Variants in AMPH observed in about 807,000 individuals in gnomAD.
AMPH encodes the protein amphiphysin (Stiff-Mann syndrome with breast cancer 128kD autoantigen).
A neutral mutation model predicts 99.1 loss-of-function variants in AMPH; 49 were observed. The ratio of observed to expected loss-of-function variants is 0.49; its 90% confidence interval spans 0.39 to 0.63. The LOEUF (loss-of-function observed/expected upper bound fraction) is 0.63. AMPH is among the 20% of genes least tolerant of loss of function. AMPH has a pLI of 0.00. For missense variants in AMPH, 759 were observed against 863.4 expected (o/e 0.88, Z 1.52); for synonymous variants, 314 against 317.3 (o/e 0.99, Z 0.11).
intron 1 of AMPH, among the ~76,000 whole-genome samples, chr7:38,613,573 C>T (rs527808512): frequency 6.6e-6 from 1 of 152,326 alleles, no homozygotes. Flanking sequence ...GAGAGTATTT[C>T]TCCACCGTGC....
chr7:38,473,710 C>CAAAAAAAAA lies in AMPH; in HGVS notation c.590+1612_590+1620dup, dbSNP rs70977409. On this transcript the variant is annotated intron_variant, in intron 7 of 20. Transcript: ENST00000356264. ...TGGGCGACAGAGCGAGACTCCGTCT[C>CAAAAAAAAA]AAAAAAAAAAAAAAAAAAAAAAAAA... Among the ~76,000 whole-genome samples the CAAAAAAAAA allele has an allele frequency of 1.9e-3, 7 of 3,780 alleles. 2 individuals are homozygous for CAAAAAAAAA. Among genetic ancestry groups the CAAAAAAAAA allele is most frequent in the East Asian group, 0.022 (1 of 46 alleles). The allele number at this position is 3,780 out of a possible 152,430, so 2.5% of individuals were successfully genotyped here. A position where few individuals can be genotyped will look rare whatever the true frequency, so the allele number is the denominator to read the frequency against.
At chr7:38,554,892 C>T (rs1175601000) in intron 1 of AMPH, among the ~76,000 whole-genome samples, 1 of 152,184 alleles carries the variant, frequency 6.6e-6, no homozygotes, top group Non-Finnish European at 1.5e-5. Context: ...CCTCTTCTCC[C>T]CAACCTTAAC....
intron 1 of AMPH, among the ~76,000 whole-genome samples, chr7:38,591,796 G>A (rs1792867204): frequency 6.6e-6 from 1 of 152,170 alleles, no homozygotes; most frequent in Non-Finnish European, 1.5e-5. Context: ...CTTGTCCCAA[G>A]GAACCAACTA....
chr7:38,500,691 G>T (rs1317200788), intron 3 of AMPH, among the ~76,000 whole-genome samples: 1 of 152,202 alleles, frequency 6.6e-6, no homozygotes, highest in African/African-American at 2.4e-5. Flanking sequence ...TCCTGTGCTT[G>T]AAATGACTTC....
intron 1 of AMPH, among the ~76,000 whole-genome samples, chr7:38,583,008 C>T (rs556905089): frequency 6.6e-6 from 1 of 152,260 alleles, no homozygotes; most frequent in African/African-American, 2.4e-5. Context: ...TAAGAGTCAA[C>T]AATGTATTGA....
At chr7:38,625,379 T>C (rs77725745) in intron 1 of AMPH, among the ~76,000 whole-genome samples, 2,026 of 152,278 alleles carry the variant, frequency 0.013, 54 homozygotes, top group African/African-American at 0.047. Flanking sequence ...CTTTTTAAAG[T>C]TCATTTAAAA....
At chr7:38,439,504 G>A (rs1042524378) in intron 11 of AMPH, among the ~76,000 whole-genome samples, 1 of 152,144 alleles carries the variant, frequency 6.6e-6, no homozygotes, top group African/African-American at 2.4e-5. Context: ...TTTTAAAAGG[G>A]CAGGAACGTA....
chr7:38,587,695 T>C (rs1422632431), intron 1 of AMPH, among the ~76,000 whole-genome samples: 2 of 152,154 alleles, frequency 1.3e-5, no homozygotes, highest in African/African-American at 4.8e-5. Context: ...GGTGCAAGAA[T>C]GGCCCTGATT....
chr7:38,417,443 A>C (rs566852067), intron 17 of AMPH, among the ~76,000 whole-genome samples: 1 of 152,354 alleles, frequency 6.6e-6, no homozygotes, highest in Non-Finnish European at 1.5e-5. Context: ...TATTGTAAGT[A>C]ATCAATATGT....
chr7:38,537,102 T>C (rs773866078), intron 1 of AMPH, among the ~76,000 whole-genome samples: 34 of 152,182 alleles, frequency 2.2e-4, no homozygotes, highest in Non-Finnish European at 4.7e-4. Flanking sequence ...TTGTAAGAAA[T>C]GTACACATTA....
chr7:38,395,848 C>T (rs1784652927), intron 17 of AMPH, among the ~76,000 whole-genome samples: 1 of 152,200 alleles, frequency 6.6e-6, no homozygotes, highest in Admixed American at 6.5e-5. Context: ...AACCACACAT[C>T]TACACTTATA....
At position 38,406,746 on chromosome 7, in the gene AMPH, C is replaced by T. The variant is rs1285816077; in HGVS notation, c.1398+11079G>A. Among the ~76,000 whole-genome samples, 5 of 138,088 alleles carry T rather than the reference C, an allele frequency of 3.6e-5. No homozygotes were observed. In the East Asian group the frequency reaches 1.1e-3, roughly 30 times the overall value. 90.6% of individuals were successfully genotyped at this position (138,088 alleles called of 152,430 possible). A position where few individuals can be genotyped will look rare whatever the true frequency, so the allele number is the denominator to read the frequency against. ...TCTCCCTTTCCCTCTCTCTCTCTCT[C>T]TCTCTCTCTCTCTCTCTCTCTCTCT... is the stretch of plus-strand genomic sequence containing the variant. On this transcript the variant is annotated intron_variant, in intron 17 of 20. Transcript: ENST00000356264.
chr7:38,426,712 C>T (rs1785793101), intron 15 of AMPH, among the ~76,000 whole-genome samples: 1 of 152,160 alleles, frequency 6.6e-6, no homozygotes, highest in African/African-American at 2.4e-5. Context: ...TCAGGGAGAA[C>T]TTAGTGTGTG....
chr7:38,541,849 C>T (rs148814920), intron 1 of AMPH, among the ~76,000 whole-genome samples: 82 of 152,178 alleles, frequency 5.4e-4, no homozygotes, highest in African/African-American at 1.9e-3. Flanking sequence ...AATTAGAAAA[C>T]TAGGGAAAAA....
At chr7:38,577,500 ATTC>A (rs933928976) in intron 1 of AMPH, among the ~76,000 whole-genome samples, 1 of 152,210 alleles carries the variant, frequency 6.6e-6, no homozygotes, top group African/African-American at 2.4e-5. Flanking sequence ...ACTGCAAAGA[ATTC>A]TGGATACTGA....
chr7:38,600,155 T>A (rs1416931194), intron 1 of AMPH, among the ~76,000 whole-genome samples: 2 of 152,198 alleles, frequency 1.3e-5, no homozygotes, highest in African/African-American at 4.8e-5. Context: ...CCACTTTAAA[T>A]GCATTTATTT....
intron 15 of AMPH, among the ~76,000 whole-genome samples, chr7:38,425,630 G>A (rs1465369592): frequency 8.5e-5 from 13 of 152,210 alleles, no homozygotes; most frequent in Non-Finnish European, 1.8e-4. Context: ...AGGGCAGGAA[G>A]CAGAAGAGGG....
intron 1 of AMPH, among the ~76,000 whole-genome samples, chr7:38,603,334 ATT>A (rs1445683306): frequency 4.1e-5 from 6 of 145,324 alleles, no homozygotes; most frequent in African/African-American, 1.5e-4. Context: ...AAAAAAAAAA[ATT>A]ATGCCAAAAT....
chr7:38,414,669 AT>A (rs142785953), intron 17 of AMPH, among the ~76,000 whole-genome samples: 35,530 of 149,714 alleles, frequency 0.24, 4,408 homozygotes, highest in Non-Finnish European at 0.29. Flanking sequence ...ATCATATTGA[AT>A]TTTTTTTTTT....
Sources: gnomAD v4.1 joint callset for allele counts (sites outside exome capture counted in the v4.1 genomes callset) on GRCh38, gnomAD v4.1.1 for gene constraint, MANE v1.5 for transcripts, NCBI Gene and HGNC (gene_info 2026-07-23, HGNC 2026-07-21) for gene names.